Variants in ITFG1 observed in about 807,000 individuals in gnomAD.
ITFG1 encodes the protein T-cell immunomodulatory protein.
A neutral mutation model predicts 81.8 loss-of-function variants in ITFG1; 34 were observed. That is an observed-to-expected ratio of 0.42 (90% CI 0.32 to 0.55). The LOEUF (loss-of-function observed/expected upper bound fraction) is 0.55. Among genes scored for constraint, ITFG1 ranks in the 20% least tolerant of loss-of-function variants. The pLI, the probability that ITFG1 is intolerant of heterozygous loss-of-function variation, is 0.17. For synonymous variants in ITFG1, 285 were observed against 270.6 expected (o/e 1.05, Z -0.52); for missense variants, 672 against 755.4 (o/e 0.89, Z 1.29).
chr16:47,310,339 A>C (rs1967237871), intron 10 of ITFG1, among the ~76,000 whole-genome samples: 2 of 152,188 alleles, frequency 1.3e-5, no homozygotes, highest in Admixed American at 1.3e-4. Flanking sequence ...CTGAATATGG[A>C]GCTGAATCAT....
In ITFG1 at chr16:47,418,339, C is replaced by T. The variant is rs1004152531; in HGVS notation, c.655+10465G>A. Among the ~76,000 whole-genome samples the T allele has an allele frequency of 1.5e-4, 23 of 152,150 alleles. 1 individual carries two copies. The highest frequency in any genetic ancestry group is 1.9e-4 in the East Asian group (1 of 5,206). ...TCATTATACAGGTTGCCTCTTACTC[C>T]GCTGACTGTTTCCTTTGAGGTGCAG... is the stretch of plus-strand genomic sequence containing the variant. On this transcript the variant is annotated intron_variant, in intron 6 of 17. Coordinates refer to ENST00000320640, the MANE Select transcript of ITFG1 (RefSeq NM_030790.5).
intron 14 of ITFG1, among the ~76,000 whole-genome samples, chr16:47,181,094 G>A (rs1340519176): frequency 2.7e-5 from 4 of 150,592 alleles, no homozygotes; most frequent in East Asian, 2.0e-4. Context: ...AGGAAGTGAG[G>A]AGCGTCTCTG....
intron 14 of ITFG1, among the ~76,000 whole-genome samples, chr16:47,179,893 T>C (rs934697045): frequency 6.6e-6 from 1 of 152,232 alleles, no homozygotes; most frequent in Non-Finnish European, 1.5e-5. Flanking sequence ...TTGTCCTCTT[T>C]TCCTGAAAGT....
At chr16:47,359,408 A>G (rs755258810) in intron 8 of ITFG1, among the ~76,000 whole-genome samples, 1 of 152,160 alleles carries the variant, frequency 6.6e-6, no homozygotes, top group Non-Finnish European at 1.5e-5. Flanking sequence ...AATGGCGCTG[A>G]GTTGTTCAAA....
intron 10 of ITFG1, among the ~76,000 whole-genome samples, chr16:47,287,790 G>A (rs1966875912): frequency 6.6e-6 from 1 of 152,194 alleles, no homozygotes. Context: ...GACTAATGAT[G>A]TTAAGCAAAT....
intron 6 of ITFG1, among the ~76,000 whole-genome samples, chr16:47,396,492 A>C (rs1968594738): frequency 1.4e-5 from 2 of 144,348 alleles, no homozygotes; most frequent in Non-Finnish European, 3.0e-5. Context: ...TGAGACTGAG[A>C]TCAAGGACAG....
At chr16:47,267,877 T>C (rs892813142) in intron 10 of ITFG1, among the ~76,000 whole-genome samples, 2 of 152,108 alleles carry the variant, frequency 1.3e-5, no homozygotes, top group African/African-American at 4.8e-5. Context: ...ATTTGTTGTA[T>C]GTCACTATAG....
chr16:47,357,390 G>A (rs146651697), intron 8 of ITFG1, among the ~76,000 whole-genome samples: 4 of 151,942 alleles, frequency 2.6e-5, no homozygotes, highest in Admixed American at 6.6e-5. Context: ...TGAGGTGGGC[G>A]GATCGTGAGG....
intron 14 of ITFG1, among the ~76,000 whole-genome samples, chr16:47,208,514 C>T (rs906092905): frequency 6.6e-6 from 1 of 152,128 alleles, no homozygotes; most frequent in Non-Finnish European, 1.5e-5. Context: ...CTAGAACAAA[C>T]GAAAGGACCT....
chr16:47,457,947 T>C (rs894020952), intron 2 of ITFG1, among the ~76,000 whole-genome samples: 1 of 152,244 alleles, frequency 6.6e-6, no homozygotes, highest in Non-Finnish European at 1.5e-5. Flanking sequence ...CTCAAAGTTC[T>C]AGTTCAAGGC....
chr16:47,363,283 A>G (rs929554058), intron 8 of ITFG1, among the ~76,000 whole-genome samples: 47 of 152,228 alleles, frequency 3.1e-4, no homozygotes, highest in African/African-American at 1.0e-3. Flanking sequence ...GCATAATAGA[A>G]GTTTAATTTT....
At chr16:47,309,137 T>C (rs1292255679) in intron 10 of ITFG1, among the ~76,000 whole-genome samples, 3 of 151,540 alleles carry the variant, frequency 2.0e-5, no homozygotes, top group Non-Finnish European at 1.5e-5. Flanking sequence ...GCTGTGATCT[T>C]GGCTCACTGC....
At chr16:47,439,358 AC>A (rs1275509205) in intron 5 of ITFG1, among the ~76,000 whole-genome samples, 1 of 152,228 alleles carries the variant, frequency 6.6e-6, no homozygotes, top group Non-Finnish European at 1.5e-5. Flanking sequence ...CTCCTCGAGA[AC>A]AGCAACTCCA....
intron 10 of ITFG1, among the ~76,000 whole-genome samples, chr16:47,298,727 G>A (rs1967023912): frequency 2.0e-5 from 3 of 152,162 alleles, no homozygotes; most frequent in Admixed American, 2.0e-4. Context: ...TCTCCTTCCT[G>A]AGTGCTGTGC....
chr16:47,372,038 C>T (rs1286260651), intron 7 of ITFG1, among the ~76,000 whole-genome samples: 2 of 151,822 alleles, frequency 1.3e-5, no homozygotes, highest in Non-Finnish European at 2.9e-5. Context: ...CTCAGCCCCC[C>T]AGTAGCTGGG....
At chr16:47,357,547 G>A (rs568610121) in intron 8 of ITFG1, among the ~76,000 whole-genome samples, 25 of 150,856 alleles carry the variant, frequency 1.7e-4, no homozygotes, top group African/African-American at 5.4e-4. Flanking sequence ...CCTGGGAGGC[G>A]GAGCTTTCAG....
intron 8 of ITFG1, among the ~76,000 whole-genome samples, chr16:47,356,555 G>C (rs567561614): frequency 3.9e-5 from 6 of 152,242 alleles, no homozygotes; most frequent in African/African-American, 1.4e-4. Context: ...AGAGTCGGAG[G>C]GAATGGATTG....
At chr16:47,361,113 G>T (rs1056629702) in intron 8 of ITFG1, among the ~76,000 whole-genome samples, 1 of 151,968 alleles carries the variant, frequency 6.6e-6, no homozygotes, top group Non-Finnish European at 1.5e-5. Flanking sequence ...GGATTATTTA[G>T]ATCTGACTGA....
chr16:47,373,117 T>C (rs138767847), intron 7 of ITFG1, among the ~76,000 whole-genome samples: 1 of 152,308 alleles, frequency 6.6e-6, no homozygotes, highest in Non-Finnish European at 1.5e-5. Flanking sequence ...TTTTCTAGTC[T>C]TACATTTCAA....
Sources: allele counts gnomAD v4.1 joint callset (sites outside exome capture counted in the v4.1 genomes callset), GRCh38; gene constraint gnomAD v4.1.1; transcripts MANE v1.5; gene names NCBI Gene and HGNC (gene_info 2026-07-23, HGNC 2026-07-21).